The following MROH2A variants were observed in gnomAD, a reference collection of about 807,000 sequenced individuals.
MROH2A encodes maestro heat-like repeat-containing protein family member 2A.
Under a neutral mutation model 200.4 loss-of-function variants are expected in MROH2A, and 174 were observed. The observed-to-expected ratio is 0.87, with a 90% CI of 0.77 to 0.98. MROH2A has a LOEUF of 0.98. Ranked by LOEUF, MROH2A falls within the 50% of genes least tolerant of loss-of-function variation. MROH2A has a pLI of 0.00. For missense variants in MROH2A, 2,045 were observed against 2,139.6 expected, an observed-to-expected ratio of 0.96 and a Z score of 0.87; for synonymous variants, 829 against 840.4, an observed-to-expected ratio of 0.99 and a Z score of 0.23.
chr2:233,789,540 A>G lies in MROH2A; in HGVS notation c.320A>G (p.Asp107Gly), dbSNP rs1288935232. The G allele has an allele frequency of 2.0e-6, 3 of 1,484,242 alleles. No individual in the cohort carries two copies. The highest frequency in any genetic ancestry group is 2.7e-6 in the Non-Finnish European group (3 of 1,116,928). The allele number at this position is 1,484,242 out of a possible 1,614,324, so 91.9% of individuals were successfully genotyped here. ...GTCAACATTTACAACATCCTCCAGG[A>G]CATCATCCAGCAGGAGGGGGAGCTG... ...RKVNIYNILQ[D>G]IIQQEGELEE... The change falls in exon 4 of 42, where the codon GAC becomes GGC. Residue 107 changes from aspartate (D) to glycine (G), a missense_variant. Physicochemically the swap from Asp to Gly is moderately conservative, Grantham distance 94. This residue lies in a region of MROH2A where 831 missense variants were observed against 800.0 expected (regional missense o/e 1.04). Transcript: ENST00000389758.
chr2:233,794,326 T>A, intron 7 of MROH2A, 37 bp from the exon 8 acceptor site: 1 of 1,471,186 alleles, frequency 6.8e-7, no homozygotes. Context: ...TGGAGGGTGG[T>A]GAGACAATGC....
At position 233,805,591 on chromosome 2, in the gene MROH2A, T is replaced by G. The variant is rs185132183; in HGVS notation, c.2052+480T>G. ...ATATGGAAATACCAGAGGCTCTGAA[T>G]AGCCAACAAAATTATGAGAAGAAGA... On this transcript the variant is annotated intron_variant, in intron 19 of 41. Coordinates refer to ENST00000389758, the MANE Select transcript of MROH2A (RefSeq NM_001394639.1). 3.9e-5 allele frequency among the ~76,000 whole-genome samples: 6 copies of G among 152,176 alleles called. No individual in the cohort carries two copies. In the East Asian group the frequency reaches 1.2e-3, roughly 30 times the overall value.
At chr2:233,776,175 G>A (rs1181066375), upstream of MROH2A, among the ~76,000 whole-genome samples, 1 of 152,014 alleles carries the variant, frequency 6.6e-6, no homozygotes, top group African/African-American at 2.4e-5. Context: ...TATGTCTTGG[G>A]CCTTTTGTGT....
chr2:233,829,754 C>A lies in MROH2A; in HGVS notation c.4581C>A (p.Asp1527Glu). Residue 1527 changes from aspartate (D) to glutamate (E), a missense_variant, in exon 38 of 42, where the codon GAC (aspartate) becomes GAA (glutamate). Physicochemically the swap from Asp to Glu is conservative, Grantham distance 45. Around this residue, in one of 3 missense-constraint regions of MROH2A, gnomAD observed 1,201 missense variants for 1,311.3 expected, o/e 0.92. Transcript: ENST00000389758. Reference sequence around the variant, plus strand: ...TCCCCCTCATGCTGCACTCCCAGGACCCCTGCTCCAATGCAGCCCAAGTAA... The same window carrying A: ...TCCCCCTCATGCTGCACTCCCAGGAACCCTGCTCCAATGCAGCCCAAGTAA... The part of the protein sequence containing the change: ...AWIPLMLHSQ[D>E]PCSNAAQACM... 1 of 1,412,278 alleles carries A rather than the reference C, an allele frequency of 7.1e-7. No individual in the cohort carries two copies. The highest frequency in any genetic ancestry group is 9.3e-7 in the Non-Finnish European group (1 of 1,078,574). 87.5% of individuals were successfully genotyped at this position (1,412,278 alleles called of 1,614,324 possible). A position where few individuals can be genotyped will look rare whatever the true frequency, so the allele number is the denominator to read the frequency against.
chr2:233,823,099 A>G (rs747558400), intron 34 of MROH2A, 81 bp downstream of exon 34: 95 of 1,458,878 alleles, frequency 6.5e-5, no homozygotes, highest in Non-Finnish European at 8.7e-5. Context: ...TTGTGAGGAC[A>G]TGGTCCAGTC....
In MROH2A at chr2:233,812,132, C is replaced by CTCAGCCACTCTT. The variant is rs546049127; in HGVS notation, c.2651+175_2651+186dup. Among the ~76,000 whole-genome samples, 1,334 of 152,276 alleles carry CTCAGCCACTCTT rather than the reference C, an allele frequency of 8.8e-3. 56 individuals are homozygous for CTCAGCCACTCTT. Among genetic ancestry groups the CTCAGCCACTCTT allele is most frequent in the East Asian group, 0.073 (375 of 5,166 alleles). On this transcript the variant is annotated intron_variant, in intron 24 of 41. Coordinates refer to ENST00000389758, the MANE Select transcript of MROH2A (RefSeq NM_001394639.1). ...GCCAGCCTAGATGATGGGGGTCGGCCTCAGCCACTCTTTTCTATAATTCTC... is the reference window on the plus strand; with the variant it reads ...GCCAGCCTAGATGATGGGGGTCGGCCTCAGCCACTCTTTCAGCCACTCTTTTCTATAATTCTC...
rs1700849938 is a variant in MROH2A, at chr2:233,779,780, A to ATG, written c.204_205insTG (p.Ile69Ter). On this transcript the variant is annotated frameshift_variant, in exon 3 of 42. Coordinates refer to ENST00000389758, the MANE Select transcript of MROH2A (RefSeq NM_001394639.1). LOFTEE classifies it high-confidence loss of function. ...TGCGGAAGACCCTGGCCTCGGTGATAATCATGGAGAAGGCCACCACTGAGC... is the reference window on the plus strand; with the variant it reads ...TGCGGAAGACCCTGGCCTCGGTGATATGATCATGGAGAAGGCCACCACTGAGC... 1 of 1,550,676 alleles carries ATG rather than the reference A, an allele frequency of 6.4e-7. No homozygotes were observed. Among genetic ancestry groups the ATG allele is most frequent in the African/African-American group, 1.4e-5 (1 of 73,034 alleles).
At chr2:233,818,166 G>T in intron 28 of MROH2A, 41 bp downstream of exon 28, 2 of 1,546,130 alleles carry the variant, frequency 1.3e-6, no homozygotes, top group Non-Finnish European at 1.7e-6. Context: ...CCTCTGGGAG[G>T]GAGAGAGGGC....
At position 233,779,799 on chromosome 2, in the gene MROH2A, A is replaced by G; in HGVS notation, c.223A>G (p.Thr75Ala). 1 of 1,550,696 alleles carries G rather than the reference A, an allele frequency of 6.4e-7. No homozygotes were observed. Residue 75 changes from threonine to alanine, a missense_variant, in exon 3 of 42, where the codon ACT becomes GCT. By Grantham distance (58) the Thr-to-Ala change is moderately conservative. Coordinates refer to ENST00000389758, the MANE Select transcript of MROH2A (RefSeq NM_001394639.1). ...ASVIIMEKAT[T>A]EPSVVINTLI... The stretch of plus-strand genomic sequence containing the variant: ...GGTGATAATCATGGAGAAGGCCACC[A>G]CTGAGCCTTCTGTAGTGATAAACAC...
chr2:233,785,277 G>A (rs1464368792), intron 3 of MROH2A, among the ~76,000 whole-genome samples: 1 of 152,074 alleles, frequency 6.6e-6, no homozygotes, highest in Non-Finnish European at 1.5e-5. Context: ...AGACCAGCCT[G>A]GGTAACATAG....
At chr2:233,823,275 G>A (rs539616762) in intron 34 of MROH2A, among the ~76,000 whole-genome samples, 1 of 152,256 alleles carries the variant, frequency 6.6e-6, no homozygotes, top group African/African-American at 2.4e-5. Context: ...ACAGGGTCTA[G>A]AGTAGGCCAG....
chr2:233,818,099 T>A lies in MROH2A; in HGVS notation c.3059T>A (p.Val1020Asp), dbSNP rs1250337519. The A allele has an allele frequency of 1.2e-5, 19 of 1,550,706 alleles. No individual in the cohort carries two copies. The highest frequency in any genetic ancestry group is 1.7e-5 in the Non-Finnish European group (19 of 1,147,052). ...AGAACCCGCATGGCCTCAATGAATG[T>A]CCTGTCCAGCCTGCTAGATCTTCAC... is the stretch of plus-strand genomic sequence containing the variant. ...HQRTRMASMNVLSSLLDLHAS... is the reference protein window; with the variant it reads ...HQRTRMASMNDLSSLLDLHAS... The change falls in exon 28 of 42, where the codon GTC (valine) becomes GAC (aspartate). Residue 1020 changes from valine to aspartate, a missense_variant. By Grantham distance (152) the Val-to-Asp change is radical. Coordinates refer to ENST00000389758, the MANE Select transcript of MROH2A (RefSeq NM_001394639.1).
chr2:233,824,376 C>T (rs548936867), intron 35 of MROH2A, among the ~76,000 whole-genome samples: 1 of 152,332 alleles, frequency 6.6e-6, no homozygotes, highest in South Asian at 2.1e-4. Flanking sequence ...CCTGGAAGTA[C>T]AAGACCAGTC....
intron 41 of MROH2A, among the ~76,000 whole-genome samples, 191 bp downstream of exon 41, chr2:233,832,835 T>A (rs371928518): frequency 1.4e-4 from 21 of 151,616 alleles, no homozygotes; most frequent in African/African-American, 4.9e-4. Flanking sequence ...ATGGGTGGAG[T>A]CCCTTTCATT....
chr2:233,803,574 C>T, intron 16 of MROH2A, 86 bp downstream of exon 16: 1 of 1,431,144 alleles, frequency 7.0e-7, no homozygotes, highest in Non-Finnish European at 9.5e-7. Context: ...TCCCAGAGCC[C>T]CAGGGGTATG....
Position 233,804,427 on chromosome 2 carries a change from C to G in MROH2A, c.1892-68C>G. 2.0e-6 allele frequency: 3 copies of G among 1,521,396 alleles called. No individual in the cohort carries two copies. In the Admixed American group the frequency reaches 5.9e-5, roughly 30 times the overall value. 94.2% of individuals were successfully genotyped at this position (1,521,396 alleles called of 1,614,324 possible). The stretch of plus-strand genomic sequence containing the variant: ...GCCACGCTAAGGAGGCATAGAGGGC[C>G]TTGAATACCAGGCTTAGGGGAGCAG... On this transcript the variant is annotated intron_variant, in intron 17 of 41. Coordinates refer to ENST00000389758, the MANE Select transcript of MROH2A (RefSeq NM_001394639.1).
chr2:233,822,985 G>C lies in MROH2A; in HGVS notation c.3971G>C (p.Gly1324Ala). 1 of 1,549,538 alleles carries C rather than the reference G, an allele frequency of 6.5e-7. No homozygotes were observed. The highest frequency in any genetic ancestry group is 8.7e-7 in the Non-Finnish European group (1 of 1,146,968). Residue 1324 changes from glycine (G) to alanine (A), a missense_variant, in exon 34 of 42, where the codon GGG (glycine) becomes GCG (alanine). This residue lies in a region of MROH2A where 1,201 missense variants were observed against 1,311.3 expected (regional missense o/e 0.92). Coordinates refer to ENST00000389758, the MANE Select transcript of MROH2A (RefSeq NM_001394639.1). Reference sequence around the variant, plus strand: ...GTGTGGGACCTCCTGCAGGACGGCGGGACATTCCTGGAGGGTGTGAGCCTG... The same window carrying C: ...GTGTGGGACCTCCTGCAGGACGGCGCGACATTCCTGGAGGGTGTGAGCCTG... ...QAVWDLLQDG[G>A]TFLEGVSLLA... is the part of the protein sequence containing the mutation.
intron 25 of MROH2A, 104 bp from the exon 26 acceptor site, chr2:233,814,478 T>C: frequency 2.9e-6 from 2 of 701,646 alleles, no homozygotes; most frequent in Non-Finnish European, 5.0e-6. Context: ...GAACAGAAGT[T>C]AGTGGATGAC....
intron 8 of MROH2A, 101 bp from the exon 9 acceptor site, chr2:233,795,552 C>A (rs79156799): frequency 6.6e-7 from 1 of 1,521,126 alleles, no homozygotes; most frequent in African/African-American, 1.4e-5. Flanking sequence ...CCAGGGAATG[C>A]TGGTGCTCAG....
Sources: gnomAD v4.1 joint callset for allele counts (sites outside exome capture counted in the v4.1 genomes callset) on GRCh38, gnomAD v4.1.1 for gene constraint, gnomAD v4.1.1 regional missense constraint, MANE v1.5 for transcripts, NCBI Gene and HGNC (gene_info 2026-07-23, HGNC 2026-07-21) for gene names.